Variants in ADGRV1 observed in about 807,000 individuals in gnomAD.
The protein encoded by ADGRV1 is adhesion G protein-coupled receptor V1, also known as G-protein coupled receptor 98.
Under a neutral mutation model 596.2 loss-of-function variants are expected in ADGRV1, and 359 were observed. The ratio of observed to expected loss-of-function variants is 0.60; its 90% CI spans 0.55 to 0.66. The LOEUF is 0.66. Among genes scored for constraint, ADGRV1 ranks in the 30% least tolerant of loss-of-function variants. The pLI is 0.00. For missense variants in ADGRV1, 7,274 were observed against 7,575.6 expected (o/e 0.96, Z 1.48); for synonymous variants, 2,681 against 2,679.2 (o/e 1.00, Z -0.02).
intron 83 of ADGRV1, among the ~76,000 whole-genome samples, chr5:90,958,300 A>AG (rs1777674740): frequency 7.1e-6 from 1 of 139,950 alleles, no homozygotes; most frequent in East Asian, 2.0e-4. Flanking sequence ...AAAAAAAAAA[A>AG]AAAGAAAAGA....
intron 83 of ADGRV1, among the ~76,000 whole-genome samples, chr5:90,942,906 G>A (rs1001780504): frequency 6.6e-6 from 1 of 152,114 alleles, no homozygotes; most frequent in Admixed American, 6.6e-5. Flanking sequence ...GGTTATCACA[G>A]TGGTTACCTA....
intron 77 of ADGRV1, among the ~76,000 whole-genome samples, chr5:90,836,327 T>A (rs906057213): frequency 6.6e-6 from 1 of 152,134 alleles, no homozygotes; most frequent in South Asian, 2.1e-4. Context: ...GTAGAAACAA[T>A]TCAGGTGTCC....
intron 85 of ADGRV1, among the ~76,000 whole-genome samples, chr5:90,990,773 C>G (rs1373874441): frequency 6.6e-6 from 1 of 152,316 alleles, no homozygotes; most frequent in Non-Finnish European, 1.5e-5. Context: ...AAATCTGCCC[C>G]TGAGTGATTG....
In ADGRV1 at chr5:90,985,266, C is replaced by T. The variant is rs1026570530; in HGVS notation, c.17974-78C>T. On this transcript the variant is annotated intron_variant, in intron 84 of 89. Transcript: ENST00000405460. Reference sequence around the variant, plus strand: ...ATCCTGGCCTTTTGTTGGTCGGTAACATTGCCTAAGCCAGTAGAGTTTGTG... The same window carrying T: ...ATCCTGGCCTTTTGTTGGTCGGTAATATTGCCTAAGCCAGTAGAGTTTGTG... The T allele has an allele frequency of 3.0e-6, 3 of 998,382 alleles. No individual in the cohort carries two copies. In the East Asian group the frequency reaches 8.2e-5, roughly 27 times the overall value. 61.8% of individuals were successfully genotyped at this position (998,382 alleles called of 1,614,324 possible).
intron 1 of ADGRV1, among the ~76,000 whole-genome samples, chr5:90,613,996 C>T (rs1360769912): frequency 6.6e-6 from 1 of 151,720 alleles, no homozygotes; most frequent in African/African-American, 2.4e-5. Flanking sequence ...CTTAATGATC[C>T]GTGAGGGAAA....
chr5:91,020,614 G>A (rs1435553216), intron 85 of ADGRV1, among the ~76,000 whole-genome samples: 1 of 151,954 alleles, frequency 6.6e-6, no homozygotes, highest in Non-Finnish European at 1.5e-5. Flanking sequence ...TCCAGCATTT[G>A]CAGACTATGA....
chr5:90,695,126 C>T (rs1747019077), intron 33 of ADGRV1, among the ~76,000 whole-genome samples: 1 of 151,998 alleles, frequency 6.6e-6, no homozygotes, highest in South Asian at 2.1e-4. Flanking sequence ...TTCATATGCA[C>T]TAGACAAATC....
In ADGRV1 at chr5:91,048,686, T is replaced by C. The variant is rs541962285; in HGVS notation, c.18153-23761T>C. Among the ~76,000 whole-genome samples, 50 of 152,326 alleles carry C rather than the reference T, an allele frequency of 3.3e-4. No individual in the cohort carries two copies. The South Asian group carries it at 0.01, about 31-fold the overall frequency. On this transcript the variant is annotated intron_variant, in intron 85 of 89. Coordinates refer to ENST00000405460, the MANE Select transcript of ADGRV1 (RefSeq NM_032119.4). ...CTTTCTTTCTCTCTTTCCTTTGACA[T>C]GTAAAGATATCTAGCCTGTTCTCAG...
intron 85 of ADGRV1, among the ~76,000 whole-genome samples, chr5:91,016,678 A>C (rs936182416): frequency 2.6e-5 from 4 of 151,946 alleles, no homozygotes; most frequent in Non-Finnish European, 1.5e-5. Flanking sequence ...CAGCTTGAGG[A>C]TATAGACTAA....
intron 83 of ADGRV1, among the ~76,000 whole-genome samples, chr5:90,869,653 A>G (rs1025177747): frequency 2.6e-5 from 4 of 152,198 alleles, no homozygotes; most frequent in Non-Finnish European, 5.9e-5. Context: ...ATTTTGCCTT[A>G]TTAAATTTCT....
At chr5:91,032,923 G>A (rs987776498) in intron 85 of ADGRV1, among the ~76,000 whole-genome samples, 4 of 152,034 alleles carry the variant, frequency 2.6e-5, no homozygotes, top group Admixed American at 2.0e-4. Flanking sequence ...GGCATTTCCT[G>A]GCCATTTACT....
At chr5:90,778,221 G>T (rs558945631) in intron 62 of ADGRV1, among the ~76,000 whole-genome samples, 178 bp downstream of exon 62, 3 of 150,820 alleles carry the variant, frequency 2.0e-5, no homozygotes, top group Non-Finnish European at 3.0e-5. Context: ...TGTGTGTGTG[G>T]TGTGTGTGTG....
At chr5:90,733,584 A>C (rs1216116795) in intron 50 of ADGRV1, among the ~76,000 whole-genome samples, 1 of 152,212 alleles carries the variant, frequency 6.6e-6, no homozygotes, top group Non-Finnish European at 1.5e-5. Flanking sequence ...ACATTTAGGC[A>C]GTGTTACCTT....
intron 87 of ADGRV1, among the ~76,000 whole-genome samples, chr5:91,114,148 G>A (rs1792636998): frequency 6.6e-6 from 1 of 151,942 alleles, no homozygotes; most frequent in Non-Finnish European, 1.5e-5. Context: ...GAACTTGGGA[G>A]GCAGAGGTTG....
intron 50 of ADGRV1, among the ~76,000 whole-genome samples, chr5:90,743,877 T>A (rs1248636022): frequency 6.6e-6 from 1 of 152,184 alleles, no homozygotes; most frequent in African/African-American, 2.4e-5. Flanking sequence ...AGTCTGGAAA[T>A]TATTTAGTAT....
intron 83 of ADGRV1, among the ~76,000 whole-genome samples, chr5:90,881,617 G>A (rs1401016272): frequency 6.6e-6 from 1 of 152,012 alleles, no homozygotes; most frequent in South Asian, 2.1e-4. Flanking sequence ...AGGGATGGGC[G>A]GAATTTGTAA....
chr5:90,839,995 T>G (rs963891276), intron 77 of ADGRV1, among the ~76,000 whole-genome samples: 2 of 152,218 alleles, frequency 1.3e-5, no homozygotes, highest in Admixed American at 6.5e-5. Flanking sequence ...TTGACTAAAG[T>G]GTTCATGCTT....
At chr5:90,728,271 A>G (rs1442233784) in intron 48 of ADGRV1, among the ~76,000 whole-genome samples, 1 of 152,198 alleles carries the variant, frequency 6.6e-6, no homozygotes, top group Admixed American at 6.5e-5. Flanking sequence ...TGCTCGAGCA[A>G]TTGATAATAA....
intron 75 of ADGRV1, among the ~76,000 whole-genome samples, chr5:90,819,900 G>T (rs932994601): frequency 1.3e-5 from 2 of 152,016 alleles, no homozygotes; most frequent in African/African-American, 4.8e-5. Context: ...CTGTTGATTT[G>T]GGGTGGAGAG....
Sources: gnomAD v4.1 joint callset for allele counts (sites outside exome capture counted in the v4.1 genomes callset) on GRCh38, gnomAD v4.1.1 for gene constraint, MANE v1.5 for transcripts, NCBI Gene and HGNC (gene_info 2026-07-23, HGNC 2026-07-21) for gene names.